MROH9: variants seen among roughly 807,000 people sequenced by gnomAD.
The protein encoded by MROH9 is maestro heat-like repeat-containing protein family member 9.
In MROH9, 92 loss-of-function variants were observed where a neutral mutation model predicts 98.2. The ratio of observed to expected loss-of-function variants is 0.94; its 90% CI spans 0.79 to 1.11. The LOEUF is 1.11. Ranked by LOEUF, MROH9 falls within the 50% of genes most tolerant of loss-of-function variation. The pLI, the probability that MROH9 is intolerant of heterozygous loss-of-function variation, is 0.00. For missense variants in MROH9, 1,057 were observed against 1,014.8 expected (o/e 1.04, Z -0.57); for synonymous variants, 397 against 368.9 (o/e 1.08, Z -0.87).
At chr1:170,942,691 G>A (rs566190794) in intron 1 of MROH9, among the ~76,000 whole-genome samples, 29 of 152,116 alleles carry the variant, frequency 1.9e-4, no homozygotes, top group Non-Finnish European at 3.5e-4. Flanking sequence ...TACCTCCCTG[G>A]ATAGATGACT....
Position 170,981,273 on chromosome 1 carries a change from G to A in MROH9, c.617-2149G>A, listed in dbSNP as rs181050843. Among the ~76,000 whole-genome samples, 115 of 152,136 alleles carry A rather than the reference G, an allele frequency of 7.6e-4. 1 individual carries two copies. The highest frequency in any genetic ancestry group is 2.6e-3 in the African/African-American group (110 of 41,526). On this transcript the variant is annotated intron_variant, in intron 8 of 21. Coordinates refer to ENST00000367759, the MANE Select transcript of MROH9 (RefSeq NM_001163629.2). The stretch of plus-strand genomic sequence containing the variant: ...TCCCATTGCTGGGTATATACCCAAA[G>A]GAATATAGATCATTCTACTATAAAG...
At chr1:171,031,469 C>T (rs1447724222) in intron 20 of MROH9, among the ~76,000 whole-genome samples, 1 of 152,164 alleles carries the variant, frequency 6.6e-6, no homozygotes, top group Non-Finnish European at 1.5e-5. Flanking sequence ...TCTTGCAATG[C>T]AGGCCTGGTA....
intron 13 of MROH9, 44 bp from the exon 14 acceptor site, chr1:170,996,463 A>T: frequency 1.2e-6 from 2 of 1,601,516 alleles, no homozygotes; most frequent in Non-Finnish European, 1.7e-6. Flanking sequence ...AGTTTTTTGA[A>T]TATCACCGGC....
intron 15 of MROH9, among the ~76,000 whole-genome samples, chr1:171,004,461 GCT>G (rs1323389807): frequency 1.3e-5 from 2 of 152,136 alleles, no homozygotes; most frequent in Non-Finnish European, 2.9e-5. Flanking sequence ...ACTTGGCTCA[GCT>G]CTCTGATTTG....
intron 13 of MROH9, 37 bp from the exon 14 acceptor site, chr1:170,996,470 C>G (rs199803364): frequency 1.2e-6 from 2 of 1,604,582 alleles, no homozygotes; most frequent in East Asian, 2.2e-5. Context: ...TGAATATCAC[C>G]GGCATGTGAT....
chr1:170,959,543 T>A lies in MROH9; in HGVS notation c.234T>A (p.Ser78Arg). 1 of 1,613,760 alleles carries A rather than the reference T, an allele frequency of 6.2e-7. No individual in the cohort carries two copies. The highest frequency in any genetic ancestry group is 1.3e-5 in the African/African-American group (1 of 75,042). ...TTGGAATGCTAGTTGTCATGCCAAG[T>A]CTTGACAAAGTAAAAGAAATGGGGA... ...SSFGMLVVMP[S>R]LDKVKEMGSS... Residue 78 changes from serine to arginine, a missense_variant, in exon 5 of 22, where the codon AGT becomes AGA. Ser to Arg is a moderately radical substitution (Grantham distance 110, BLOSUM62 -1). Transcript: ENST00000367759.
intron 15 of MROH9, chr1:170,998,899 T>TGAAATCACC: frequency 3.6e-6 from 1 of 274,116 alleles, no homozygotes; most frequent in Non-Finnish European, 5.6e-6. Context: ...TTGAGGTGAT[T>TGAAATCACC]TCAAACACCA....
At chr1:170,944,079 TA>T (rs1649227957) in intron 1 of MROH9, among the ~76,000 whole-genome samples, 1 of 151,924 alleles carries the variant, frequency 6.6e-6, no homozygotes, top group Non-Finnish European at 1.5e-5. Context: ...TTTTAAAGCC[TA>T]GGGGTTATTA....
At chr1:171,018,986 C>T (rs1652422473) in intron 17 of MROH9, among the ~76,000 whole-genome samples, 2 of 152,340 alleles carry the variant, frequency 1.3e-5, no homozygotes, top group South Asian at 2.1e-4. Context: ...ATATACAAAA[C>T]TCTCCAACCC....
chr1:171,061,863 C>T (rs1367691864), intron 20 of MROH9, among the ~76,000 whole-genome samples: 2 of 152,156 alleles, frequency 1.3e-5, no homozygotes, highest in Admixed American at 6.5e-5. Context: ...GCTGCTAAAA[C>T]TCTATTTAAT....
At chr1:171,007,598 A>G (rs1396509129) in intron 15 of MROH9, among the ~76,000 whole-genome samples, 4 of 152,212 alleles carry the variant, frequency 2.6e-5, no homozygotes, top group African/African-American at 9.6e-5. Context: ...GGCTGGAGTC[A>G]AGGTACAGGA....
At chr1:170,975,336 A>C (rs1227278803) in intron 8 of MROH9, among the ~76,000 whole-genome samples, 1 of 152,152 alleles carries the variant, frequency 6.6e-6, no homozygotes, top group Non-Finnish European at 1.5e-5. Context: ...ATTATTATAA[A>C]AAGATATATT....
rs137986992 is a variant in MROH9 at position 171,013,981 on chromosome 1, G to C, written c.1597-136G>C. ...GATTGTTGTCTCTCCCCACTGCTGTGAGCACTGAAATATATGTATTTGATG... is the reference window on the plus strand; with the variant it reads ...GATTGTTGTCTCTCCCCACTGCTGTCAGCACTGAAATATATGTATTTGATG... On this transcript the variant is annotated intron_variant, in intron 15 of 21. Transcript: ENST00000367759. 1.0e-3 allele frequency: 706 copies of C among 690,128 alleles called. 5 individuals carry two copies. In the African/African-American group the frequency reaches 0.011, roughly 11 times the overall value. The allele number at this position is 690,128 out of a possible 1,614,324, so 42.8% of individuals were successfully genotyped here. A position where few individuals can be genotyped will look rare whatever the true frequency, so the allele number is the denominator to read the frequency against.
At chr1:170,975,620 T>C (rs1444690904) in intron 8 of MROH9, among the ~76,000 whole-genome samples, 1 of 152,214 alleles carries the variant, frequency 6.6e-6, no homozygotes, top group Admixed American at 6.5e-5. Flanking sequence ...GTACACATTA[T>C]GTAGTGAGAA....
chr1:170,962,546 C>T (rs76496436), intron 6 of MROH9, among the ~76,000 whole-genome samples: 8,739 of 152,148 alleles, frequency 0.057, 358 homozygotes, highest in Middle Eastern at 0.13. Context: ...AACATGTTGG[C>T]ATCAGAGGCC....
chr1:170,937,608 G>A (rs973252777), intron 1 of MROH9, among the ~76,000 whole-genome samples: 80 of 138,156 alleles, frequency 5.8e-4, no homozygotes, highest in African/African-American at 2.0e-3. Context: ...TGCAAGCTCC[G>A]CCTCCCGGGT....
chr1:170,951,539 A>G (rs1006955262), intron 3 of MROH9, among the ~76,000 whole-genome samples: 4 of 152,160 alleles, frequency 2.6e-5, no homozygotes, highest in Non-Finnish European at 4.4e-5. Context: ...CATTGGAAAC[A>G]AAACATAAAC....
intron 8 of MROH9, among the ~76,000 whole-genome samples, chr1:170,977,619 G>C (rs1034916654): frequency 1.3e-5 from 2 of 152,136 alleles, no homozygotes; most frequent in African/African-American, 4.8e-5. Context: ...TAGCAGCTGT[G>C]CTTCTTCTCA....
intron 1 of MROH9, among the ~76,000 whole-genome samples, chr1:170,941,159 A>G (rs1649105951): frequency 6.6e-6 from 1 of 152,132 alleles, no homozygotes; most frequent in African/African-American, 2.4e-5. Flanking sequence ...AATTATTGTC[A>G]GTTCAGAACC....
Sources: allele counts gnomAD v4.1 joint callset (sites outside exome capture counted in the v4.1 genomes callset), GRCh38; gene constraint gnomAD v4.1.1; transcripts MANE v1.5; gene names NCBI Gene and HGNC (gene_info 2026-07-23, HGNC 2026-07-21).